MED15: variants seen among roughly 807,000 people sequenced by gnomAD.
MED15 encodes mediator of RNA polymerase II transcription subunit 15.
In MED15, 41 loss-of-function variants were observed where a neutral mutation model predicts 118.7. That is an observed-to-expected ratio of 0.35 (90% CI 0.27 to 0.45). The LOEUF (loss-of-function observed/expected upper bound fraction) is 0.45. Among genes scored for constraint, MED15 ranks in the 20% least tolerant of loss-of-function variants. MED15 has a pLI of 1.00. For missense variants in MED15, 740 were observed against 1,025.5 expected (o/e 0.72, Z 3.80); for synonymous variants, 436 against 413.9 (o/e 1.05, Z -0.65).
At chr22:20,516,863 A>G (rs1038140300) in intron 1 of MED15, among the ~76,000 whole-genome samples, 1 of 152,172 alleles carries the variant, frequency 6.6e-6, no homozygotes, top group Non-Finnish European at 1.5e-5. Context: ...AAAGACCCCT[A>G]TGTCCATATA....
In MED15 at chr22:20,507,636, G is replaced by A. The variant is rs762777025; in HGVS notation, c.-43G>A. 3.7e-6 allele frequency: 6 copies of A among 1,612,712 alleles called. No homozygotes were observed. In the Admixed American group the frequency reaches 6.7e-5, roughly 18 times the overall value. On this transcript the variant is annotated 5_prime_UTR_variant, in exon 1 of 18. Coordinates refer to ENST00000263205, the MANE Select transcript of MED15 (RefSeq NM_001003891.3). ...GCTCTGTGACTGAGGCGGCGGCGGT[G>A]GCGGCCAAGCGGGATACGGGCGGCG...
At chr22:20,526,986 T>C (rs987377234) in intron 1 of MED15, among the ~76,000 whole-genome samples, 4 of 152,210 alleles carry the variant, frequency 2.6e-5, no homozygotes, top group African/African-American at 4.8e-5. Flanking sequence ...TTTGAGTGCA[T>C]CTAGGCCCCC....
chr22:20,549,481 TGAG>T (rs1395349651), intron 2 of MED15, among the ~76,000 whole-genome samples: 1 of 151,466 alleles, frequency 6.6e-6, no homozygotes, highest in Non-Finnish European at 1.5e-5. Context: ...GGGTGGATGG[TGAG>T]GAGTCAGGAG....
intron 1 of MED15, among the ~76,000 whole-genome samples, chr22:20,529,806 G>A (rs2054790440): frequency 2.0e-5 from 3 of 152,066 alleles, no homozygotes; most frequent in Admixed American, 2.0e-4. Flanking sequence ...TGGCCAGTCT[G>A]GTCTCGAACT....
At chr22:20,538,005 T>C (rs1320511392) in intron 2 of MED15, among the ~76,000 whole-genome samples, 1 of 152,236 alleles carries the variant, frequency 6.6e-6, no homozygotes, top group African/African-American at 2.4e-5. Context: ...AAGCTTTTTC[T>C]TTTTCTTTAA....
intron 4 of MED15, 151 bp downstream of exon 4, chr22:20,553,325 C>G (rs773863233): frequency 1.9e-5 from 15 of 772,894 alleles, no homozygotes; most frequent in Non-Finnish European, 3.0e-5. Flanking sequence ...GGCTGACCAG[C>G]TGTGCCCTGA....
At chr22:20,512,476 GC>G (rs1389062909) in intron 1 of MED15, among the ~76,000 whole-genome samples, 1 of 151,556 alleles carries the variant, frequency 6.6e-6, no homozygotes, top group African/African-American at 2.4e-5. Context: ...TTTTATCTCA[GC>G]CCTTTTTAGT....
At chr22:20,519,882 G>A (rs751311028) in intron 1 of MED15, among the ~76,000 whole-genome samples, 31 of 152,104 alleles carry the variant, frequency 2.0e-4, no homozygotes, top group Non-Finnish European at 3.7e-4. Context: ...ATACTCCCTG[G>A]GGGCCTCCTC....
intron 5 of MED15, among the ~76,000 whole-genome samples, chr22:20,559,764 A>C (rs2056161536): frequency 6.6e-6 from 1 of 152,178 alleles, no homozygotes. Context: ...TTTTAGATAA[A>C]CCTAGCCTTA....
chr22:20,536,955 G>A (rs1363517523), intron 1 of MED15, among the ~76,000 whole-genome samples, 162 bp from the exon 2 acceptor site: 1 of 152,146 alleles, frequency 6.6e-6, no homozygotes, highest in East Asian at 1.9e-4. Context: ...TCTCTGTTGA[G>A]TGCCCCTTCC....
chr22:20,543,946 A>G (rs1472082706), intron 2 of MED15, among the ~76,000 whole-genome samples: 1 of 152,258 alleles, frequency 6.6e-6, no homozygotes, highest in African/African-American at 2.4e-5. Flanking sequence ...ACACAGCTAC[A>G]GGACACAATC....
intron 6 of MED15, among the ~76,000 whole-genome samples, chr22:20,565,589 C>G (rs1016321935): frequency 2.0e-5 from 3 of 152,220 alleles, no homozygotes; most frequent in Admixed American, 6.5e-5. Flanking sequence ...CCCCACCACC[C>G]TCCCACCCCT....
At chr22:20,520,023 A>G (rs954342954) in intron 1 of MED15, among the ~76,000 whole-genome samples, 2 of 152,050 alleles carry the variant, frequency 1.3e-5, no homozygotes, top group East Asian at 1.9e-4. Context: ...AGCTCTGCCT[A>G]TGAATCTGGG....
intron 1 of MED15, among the ~76,000 whole-genome samples, chr22:20,532,360 G>A (rs181295005): frequency 6.6e-6 from 1 of 152,266 alleles, no homozygotes; most frequent in East Asian, 1.9e-4. Flanking sequence ...AGGCAGGGTC[G>A]GGCAATGCCA....
At chr22:20,575,075 T>C in intron 8 of MED15, 38 bp from the exon 9 acceptor site, 1 of 1,611,262 alleles carries the variant, frequency 6.2e-7, no homozygotes, top group Middle Eastern at 1.7e-4. Flanking sequence ...AGTTTCTTTG[T>C]TGCGATCACC....
chr22:20,544,142 C>G (rs1359434794), intron 2 of MED15, among the ~76,000 whole-genome samples: 1 of 152,142 alleles, frequency 6.6e-6, no homozygotes, highest in Non-Finnish European at 1.5e-5. Context: ...TCGTCATTTC[C>G]TTTAAGGCAG....
chr22:20,528,728 C>T (rs2054747129), intron 1 of MED15, among the ~76,000 whole-genome samples: 3 of 152,184 alleles, frequency 2.0e-5, no homozygotes, highest in Admixed American at 1.3e-4. Context: ...TGGGTCTCGG[C>T]AGTTAGCGTG....
In MED15 at chr22:20,507,643, A is replaced by G. The variant is rs766878721; in HGVS notation, c.-36A>G. On this transcript the variant is annotated 5_prime_UTR_variant, in exon 1 of 18. Transcript: ENST00000263205. ...GACTGAGGCGGCGGCGGTGGCGGCC[A>G]AGCGGGATACGGGCGGCGGGAGCTG... is the stretch of plus-strand genomic sequence containing the variant. 21 of 1,613,440 alleles carry G rather than the reference A, an allele frequency of 1.3e-5. No individual in the cohort carries two copies. Among genetic ancestry groups the G allele is most frequent in the South Asian group, 2.2e-5 (2 of 91,070 alleles).
chr22:20,516,519 G>A (rs2054264114), intron 1 of MED15, among the ~76,000 whole-genome samples: 1 of 151,596 alleles, frequency 6.6e-6, no homozygotes, highest in South Asian at 2.1e-4. Context: ...AGCCCTACCA[G>A]GTCCCTTTTG....
Sources: allele counts gnomAD v4.1 joint callset (sites outside exome capture counted in the v4.1 genomes callset), GRCh38; gene constraint gnomAD v4.1.1; transcripts MANE v1.5; gene names NCBI Gene and HGNC (gene_info 2026-07-23, HGNC 2026-07-21).